QTMAN: variants seen among roughly 807,000 people sequenced by gnomAD.
QTMAN encodes the protein tRNA-queuosine alpha-mannosyltransferase.
the QTMAN span, among the ~76,000 whole-genome samples, chr2:143,982,120 C>T: frequency 6.6e-6 from 1 of 152,210 alleles, no homozygotes; most frequent in Non-Finnish European, 1.5e-5. Context: ...ATTAACTACA[C>T]TGCTCGAGAA....
At chr2:144,020,861 A>C in the QTMAN span, among the ~76,000 whole-genome samples, 1 of 152,220 alleles carries the variant, frequency 6.6e-6, no homozygotes, top group Non-Finnish European at 1.5e-5. Context: ...GTAAGAAAGG[A>C]CATCCAAGAA....
the QTMAN span, among the ~76,000 whole-genome samples, chr2:144,289,652 T>C: frequency 6.6e-6 from 1 of 152,014 alleles, no homozygotes; most frequent in Non-Finnish European, 1.5e-5. Flanking sequence ...ACAAAAGAAA[T>C]AAGACACACA....
chr2:144,242,960 T>TAAAAAAAAAAAAAAAAAAA, the QTMAN span, among the ~76,000 whole-genome samples: 1 of 77,806 alleles, frequency 1.3e-5, no homozygotes, highest in African/African-American at 6.3e-5. Flanking sequence ...AGACTCTACT[T>TAAAAAAAAAAAAAAAAAAA]AAAAAAAAAA....
At chr2:144,042,285 G>A in the QTMAN span, among the ~76,000 whole-genome samples, 2 of 152,110 alleles carry the variant, frequency 1.3e-5, no homozygotes, top group African/African-American at 2.4e-5. Flanking sequence ...AAGAGATTAT[G>A]GGCAGGCAGG....
At chr2:144,139,792 A>G in the QTMAN span, among the ~76,000 whole-genome samples, 2 of 152,014 alleles carry the variant, frequency 1.3e-5, no homozygotes, top group East Asian at 1.9e-4. Flanking sequence ...ATCTTCATTT[A>G]TTTTGTTGGA....
the QTMAN span, among the ~76,000 whole-genome samples, chr2:144,065,035 C>T: frequency 2.0e-5 from 3 of 152,222 alleles, no homozygotes; most frequent in South Asian, 6.2e-4. Context: ...ACATGATGGC[C>T]GAACATATCA....
At chr2:144,144,776 T>C in the QTMAN span, among the ~76,000 whole-genome samples, 1 of 151,940 alleles carries the variant, frequency 6.6e-6, no homozygotes, top group African/African-American at 2.4e-5. Flanking sequence ...CTTGCAAGAA[T>C]TGCGGGTCTG....
the QTMAN span, chr2:144,319,877 T>TA: frequency 3.3e-5 from 5 of 152,196 alleles, no homozygotes; most frequent in Non-Finnish European, 5.9e-5. Flanking sequence ...ACCTATAAAA[T>TA]AAGACAGTGT....
At chr2:144,272,384 A>C in the QTMAN span, among the ~76,000 whole-genome samples, 1 of 152,162 alleles carries the variant, frequency 6.6e-6, no homozygotes, top group African/African-American at 2.4e-5. Context: ...ATTCCCTATA[A>C]ACTCAACAAT....
the QTMAN span, among the ~76,000 whole-genome samples, chr2:144,135,371 G>A: frequency 6.6e-6 from 1 of 152,118 alleles, no homozygotes; most frequent in Non-Finnish European, 1.5e-5. Flanking sequence ...TGTGAGGCAA[G>A]AGAGTTTGTA....
chr2:144,256,775 C>T, the QTMAN span, among the ~76,000 whole-genome samples: 5 of 151,650 alleles, frequency 3.3e-5, no homozygotes, highest in East Asian at 3.9e-4. Context: ...GGGCTTAAAA[C>T]CTAGATGACG....
chr2:144,070,723 T>C, the QTMAN span, among the ~76,000 whole-genome samples: 2 of 152,302 alleles, frequency 1.3e-5, no homozygotes, highest in African/African-American at 4.8e-5. Context: ...TTTTCTACTA[T>C]ATAACATGAC....
the QTMAN span, among the ~76,000 whole-genome samples, chr2:143,990,912 A>G: frequency 6.6e-6 from 1 of 152,222 alleles, no homozygotes; most frequent in African/African-American, 2.4e-5. Context: ...GGCACTATTA[A>G]AAGTGACCGA....
the QTMAN span, among the ~76,000 whole-genome samples, chr2:144,058,534 A>C: frequency 5.3e-5 from 8 of 152,194 alleles, no homozygotes; most frequent in Non-Finnish European, 1.2e-4. Context: ...AAGCAAAATA[A>C]ATGAAGCAAA....
the QTMAN span, among the ~76,000 whole-genome samples, chr2:143,988,898 C>A: frequency 3.3e-5 from 5 of 152,186 alleles, no homozygotes; most frequent in African/African-American, 4.8e-5. Context: ...GGTTCTTATG[C>A]TAAATTAAAA....
chr2:144,135,695 T>C, the QTMAN span, among the ~76,000 whole-genome samples: 74 of 152,308 alleles, frequency 4.9e-4, no homozygotes, highest in Admixed American at 2.8e-3. Context: ...ATTTGTTCTT[T>C]ACTGGTCAAA....
chr2:144,108,511 G>A, the QTMAN span, among the ~76,000 whole-genome samples: 43 of 152,084 alleles, frequency 2.8e-4, no homozygotes, highest in African/African-American at 1.0e-3. Flanking sequence ...GGTGGCAGGT[G>A]CCTGTAGTCC....
the QTMAN span, among the ~76,000 whole-genome samples, chr2:143,994,951 C>G: frequency 6.6e-6 from 1 of 152,138 alleles, no homozygotes; most frequent in Admixed American, 6.5e-5. Context: ...GACAATTATA[C>G]AGGCAGAAAG....
At chr2:144,182,202 A>G in the QTMAN span, among the ~76,000 whole-genome samples, 3 of 152,242 alleles carry the variant, frequency 2.0e-5, no homozygotes, top group Non-Finnish European at 2.9e-5. Context: ...TACATGGTAC[A>G]TTCAACATGC....
Sources: allele counts gnomAD v4.1 joint callset (sites outside exome capture counted in the v4.1 genomes callset), GRCh38; gene constraint gnomAD v4.1.1; transcripts MANE v1.5; gene names NCBI Gene and HGNC (gene_info 2026-07-23, HGNC 2026-07-21).